The following RBFOX1 variants were observed in gnomAD, a reference collection of about 807,000 sequenced individuals.
The protein encoded by RBFOX1 is RNA binding fox-1 homolog 1, also known as RNA binding protein fox-1 homolog 1.
RBFOX1 carries 8 observed loss-of-function variants against 57.7 expected under a neutral mutation model. The observed-to-expected ratio is 0.14, with a 90% CI of 0.08 to 0.25. The LOEUF is 0.25. Ranked by LOEUF, RBFOX1 falls within the 10% of genes least tolerant of loss-of-function variation. The pLI is 1.00. For synonymous variants in RBFOX1, 326 were observed against 222.4 expected (o/e 1.47, Z -4.15); for missense variants, 611 against 548.5 (o/e 1.11, Z -1.14).
At chr16:6,981,632 C>T (rs902449815) in intron 3 of RBFOX1, among the ~76,000 whole-genome samples, 4 of 152,178 alleles carry the variant, frequency 2.6e-5, no homozygotes, top group Admixed American at 2.0e-4. Context: ...AGAGAAGTCA[C>T]ATCTTACATA....
intron 4 of RBFOX1, among the ~76,000 whole-genome samples, chr16:5,954,573 G>T (rs1253392295): frequency 6.6e-6 from 1 of 152,116 alleles, no homozygotes; most frequent in Non-Finnish European, 1.5e-5. Flanking sequence ...CTTCAAAGGG[G>T]GCAGGCCAGA....
intron 1 of RBFOX1, among the ~76,000 whole-genome samples, chr16:5,242,448 C>A (rs559623791): frequency 2.0e-5 from 3 of 152,310 alleles, no homozygotes; most frequent in East Asian, 3.9e-4. Context: ...CCACTGCTGC[C>A]CACAGTGCCC....
intron 1 of RBFOX1, among the ~76,000 whole-genome samples, chr16:6,162,684 G>T (rs147923893): frequency 6.6e-6 from 1 of 152,266 alleles, no homozygotes; most frequent in South Asian, 2.1e-4. Flanking sequence ...GTTACAAGAT[G>T]TTGGTAAACC....
rs187648091 is a variant in RBFOX1 at position 7,106,440 on chromosome 16, A to G, written c.27+54342A>G. Among the ~76,000 whole-genome samples the G allele has an allele frequency of 2.6e-5, 4 of 151,832 alleles. No individual in the cohort carries two copies. The East Asian group carries it at 7.7e-4, about 29-fold the overall frequency. On this transcript the variant is annotated intron_variant, in intron 4 of 15. Coordinates refer to ENST00000550418, the MANE Select transcript of RBFOX1 (RefSeq NM_018723.4). The stretch of plus-strand genomic sequence containing the variant: ...TATTTCTTGTGTTAAACAGAGAAAG[A>G]AAAAAACACCCTTGGGATTGTAAGT...
intron 4 of RBFOX1, among the ~76,000 whole-genome samples, chr16:7,092,631 T>C (rs563612446): frequency 6.6e-6 from 1 of 152,312 alleles, no homozygotes; most frequent in Admixed American, 6.5e-5. Flanking sequence ...TATGTATTTG[T>C]TCAGTGGGTT....
chr16:7,400,753 C>T (rs188152556), intron 4 of RBFOX1, among the ~76,000 whole-genome samples: 13 of 152,206 alleles, frequency 8.5e-5, no homozygotes, highest in South Asian at 2.1e-4. Context: ...TGCAGTAATC[C>T]AGTCAATTAA....
chr16:5,537,988 T>A (rs1423657753), intron 2 of RBFOX1, among the ~76,000 whole-genome samples: 1 of 152,174 alleles, frequency 6.6e-6, no homozygotes, highest in African/African-American at 2.4e-5. Flanking sequence ...GACTCCCAGA[T>A]AATAAGGTCA....
intron 1 of RBFOX1, among the ~76,000 whole-genome samples, chr16:6,287,276 G>A (rs556609531): frequency 2.0e-5 from 3 of 152,132 alleles, no homozygotes; most frequent in Admixed American, 1.3e-4. Flanking sequence ...AATGGCCAAC[G>A]AGTGCCACCA....
At chr16:7,047,568 T>G (rs2048391780) in intron 3 of RBFOX1, among the ~76,000 whole-genome samples, 1 of 151,926 alleles carries the variant, frequency 6.6e-6, no homozygotes, top group Non-Finnish European at 1.5e-5. Context: ...TCCTTGAAAT[T>G]GTTTATATCT....
At chr16:7,004,739 G>C (rs1241832735) in intron 3 of RBFOX1, among the ~76,000 whole-genome samples, 3 of 152,214 alleles carry the variant, frequency 2.0e-5, no homozygotes, top group African/African-American at 7.2e-5. Flanking sequence ...CAAGAAAGGA[G>C]AAGTAGCTGT....
At chr16:6,908,528 A>T (rs1034470034) in intron 3 of RBFOX1, among the ~76,000 whole-genome samples, 1 of 152,178 alleles carries the variant, frequency 6.6e-6, no homozygotes, top group Non-Finnish European at 1.5e-5. Context: ...CTCACTTATC[A>T]GGTTCACCTC....
chr16:6,372,446 T>A (rs1417905038), intron 2 of RBFOX1, among the ~76,000 whole-genome samples: 2 of 149,574 alleles, frequency 1.3e-5, no homozygotes, highest in Non-Finnish European at 3.0e-5. Context: ...GGAAGGATAG[T>A]TGGTTAGGAT....
chr16:6,056,200 G>A (rs1168125479), intron 1 of RBFOX1, among the ~76,000 whole-genome samples: 1 of 152,160 alleles, frequency 6.6e-6, no homozygotes, highest in East Asian at 1.9e-4. Context: ...TCCTTACACT[G>A]TGGTCTCGCC....
chr16:7,058,091 C>T (rs1193040722), intron 4 of RBFOX1, among the ~76,000 whole-genome samples: 1 of 151,726 alleles, frequency 6.6e-6, no homozygotes, highest in African/African-American at 2.4e-5. Flanking sequence ...ACAAAGGATC[C>T]TGGAAAATAC....
At chr16:6,963,297 T>C (rs1482281000) in intron 3 of RBFOX1, among the ~76,000 whole-genome samples, 1 of 152,186 alleles carries the variant, frequency 6.6e-6, no homozygotes, top group Non-Finnish European at 1.5e-5. Flanking sequence ...CTTTTTTTTT[T>C]GTTGCTCTTG....
At position 6,391,797 on chromosome 16, in the gene RBFOX1, A is replaced by G. The variant is rs146205375; in HGVS notation, c.-64+74740A>G. Among the ~76,000 whole-genome samples, 123 of 152,334 alleles carry G rather than the reference A, an allele frequency of 8.1e-4. 3 individuals are homozygous for G. Among genetic ancestry groups the G allele is most frequent in the African/African-American group, 2.9e-3 (119 of 41,576 alleles). ...ACAATTCTTAGATTTTTAAATAACA[A>G]ATAGGATACCCCTCCCATCCTCGAA... On this transcript the variant is annotated intron_variant, in intron 2 of 15. Transcript: ENST00000550418.
At chr16:5,502,107 T>C (rs2043217657) in intron 2 of RBFOX1, among the ~76,000 whole-genome samples, 1 of 152,012 alleles carries the variant, frequency 6.6e-6, no homozygotes, top group Non-Finnish European at 1.5e-5. Flanking sequence ...GTGACCAGTA[T>C]GGCCGGCAGA....
chr16:6,351,133 T>C (rs897987688), intron 2 of RBFOX1, among the ~76,000 whole-genome samples: 5 of 152,020 alleles, frequency 3.3e-5, no homozygotes, highest in African/African-American at 1.2e-4. Context: ...GGAGTCCCTG[T>C]CTTGACCTGG....
At chr16:6,058,298 C>T (rs951431681) in intron 1 of RBFOX1, among the ~76,000 whole-genome samples, 1 of 151,330 alleles carries the variant, frequency 6.6e-6, no homozygotes, top group Non-Finnish European at 1.5e-5. Context: ...CCCTGCCTTC[C>T]TCCCTCCTCT....
Sources: allele counts gnomAD v4.1 joint callset (sites outside exome capture counted in the v4.1 genomes callset), GRCh38; gene constraint gnomAD v4.1.1; transcripts MANE v1.5; gene names NCBI Gene and HGNC (gene_info 2026-07-23, HGNC 2026-07-21).